IGSF9B: variants seen among roughly 807,000 people sequenced by gnomAD.
The protein encoded by IGSF9B is protein turtle homolog B.
Under a neutral mutation model 143.7 loss-of-function variants are expected in IGSF9B, and 48 were observed. The ratio of observed to expected loss-of-function variants is 0.33; its 90% CI spans 0.26 to 0.42. The LOEUF (loss-of-function observed/expected upper bound fraction) is 0.42. Ranked by LOEUF, IGSF9B falls within the 20% of genes least tolerant of loss-of-function variation. IGSF9B has a pLI of 1.00. For missense variants in IGSF9B, 1,706 were observed against 1,980.0 expected, an observed-to-expected ratio of 0.86 and a Z score of 2.63; for synonymous variants, 903 against 833.1, an observed-to-expected ratio of 1.08 and a Z score of -1.44.
rs779789771 is a variant in IGSF9B at position 133,928,047 on chromosome 11, G to A, written c.1632-956C>T. ...TCCCTGGCCCAGGCAACAAAGCAGC[G>A]AGGAGCCACGTGTGGAAAAGCAGTG... On this transcript the variant is annotated intron_variant, in intron 12 of 19. Transcript: ENST00000533871. This position sits in a 1 kb window ranked among gnomAD's most constrained non-coding sequence, Gnocchi z 4.7. Among the ~76,000 whole-genome samples the A allele has an allele frequency of 1.1e-4, 17 of 152,126 alleles. No homozygotes were observed. Among genetic ancestry groups the A allele is most frequent in the Admixed American group, 9.2e-4 (14 of 15,284 alleles).
In IGSF9B at chr11:133,909,330, G is replaced by A; in HGVS notation, c.4106-53C>T. ...AGAGAAGCAAGCGGATGAAAAGGAAGCACGCAGCCTGCTCACCTTTTCCAC... is the reference window on the plus strand; with the variant it reads ...AGAGAAGCAAGCGGATGAAAAGGAAACACGCAGCCTGCTCACCTTTTCCAC... On this transcript the variant is annotated intron_variant, in intron 19 of 19. Transcript: ENST00000533871. The surrounding 1 kb of genome is among the most constrained non-coding windows in gnomAD (Gnocchi z 4.2). The A allele has an allele frequency of 7.4e-7, 1 of 1,355,980 alleles. No individual in the cohort carries two copies. The highest frequency in any genetic ancestry group is 1.0e-6 in the Non-Finnish European group (1 of 983,820). The allele number at this position is 1,355,980 out of a possible 1,614,324, so 84.0% of individuals were successfully genotyped here. A position where few individuals can be genotyped will look rare whatever the true frequency, so the allele number is the denominator to read the frequency against.
chr11:133,936,007 G>A (rs759423261), intron 6 of IGSF9B, 46 bp downstream of exon 6: 2 of 1,602,592 alleles, frequency 1.2e-6, no homozygotes, highest in Admixed American at 1.7e-5. Context: ...CTGCCCGTGG[G>A]GGCTGGGGTG....
In IGSF9B at chr11:133,921,068, T is replaced by C; in HGVS notation, c.2657A>G (p.Tyr886Cys). Residue 886 changes from tyrosine to cysteine, a missense_variant, in exon 18 of 20, where the codon TAC becomes TGC. By Grantham distance (194) the Tyr-to-Cys change is radical. Transcript: ENST00000533871. ...GFPFAEETDM[Y>C]PEFRQSDEEN... ...CTCGTCCGACTGGCGGAACTCGGGG[T>C]ACATGTCCGTCTCCTCGGCGAAGGG... 1.2e-6 allele frequency: 2 copies of C among 1,613,834 alleles called. No individual in the cohort carries two copies. Among genetic ancestry groups the C allele is most frequent in the South Asian group, 2.2e-5 (2 of 91,088 alleles).
intron 3 of IGSF9B, among the ~76,000 whole-genome samples, chr11:133,942,860 C>G (rs1467882382): frequency 2.0e-5 from 3 of 152,222 alleles, no homozygotes; most frequent in Non-Finnish European, 4.4e-5. Flanking sequence ...GACTGATTGA[C>G]AGGAGCCAGC....
chr11:133,933,749 C>T (rs547854090), intron 7 of IGSF9B, among the ~76,000 whole-genome samples: 100 of 152,136 alleles, frequency 6.6e-4, no homozygotes, highest in Middle Eastern at 3.4e-3. Context: ...CCCTGGCTCT[C>T]GGAGGAGCAA....
chr11:133,951,926 G>C (rs534911291), intron 1 of IGSF9B: 5 of 327,772 alleles, frequency 1.5e-5, no homozygotes, highest in South Asian at 1.2e-4. Context: ...TGAAGACAGT[G>C]ACTCACCTCG....
chr11:133,950,866 G>GCCTCCT (rs35266790), intron 1 of IGSF9B, among the ~76,000 whole-genome samples: 18 of 150,688 alleles, frequency 1.2e-4, no homozygotes, highest in African/African-American at 3.6e-4. Context: ...CCTTATTGCA[G>GCCTCCT]CCTCCTCCTC....
chr11:133,931,087 G>A lies in IGSF9B; in HGVS notation c.1416C>T (p.Ser472=), dbSNP rs898407299. 8 of 1,613,644 alleles carry A rather than the reference G, an allele frequency of 5.0e-6. No homozygotes were observed. In the African/African-American group the frequency reaches 1.1e-4, roughly 22 times the overall value. The stretch of plus-strand genomic sequence containing the variant: ...CCTTACTCAGGGCACGGAACTGCAG[G>A]CTCCCACTGGGCAGGGCACTGTGCT... ...RSKHSALPSG[S]LQFRALSKED... is the part of the protein sequence containing the mutation. The change falls in exon 11 of 20, where the codon AGC becomes AGT. Residue 472 remains serine, a synonymous_variant. Coordinates refer to ENST00000533871, the MANE Select transcript of IGSF9B (RefSeq NM_001277285.4). This position sits in a 1 kb window ranked among gnomAD's most constrained non-coding sequence, Gnocchi z 7.7.
In IGSF9B at chr11:133,907,532, G is replaced by A. The variant is rs1013948963; in HGVS notation, c.*1537C>T. On this transcript the variant is annotated 3_prime_UTR_variant, in exon 20 of 20. Coordinates refer to ENST00000533871, the MANE Select transcript of IGSF9B (RefSeq NM_001277285.4). The stretch of plus-strand genomic sequence containing the variant: ...AGAAGGGGGGCTCCTACACAAGAGT[G>A]GGGGAGGGGCAGATCTCCCCTCCAC... Among the ~76,000 whole-genome samples, 4 of 152,192 alleles carry A rather than the reference G, an allele frequency of 2.6e-5. No homozygotes were observed. Among genetic ancestry groups the A allele is most frequent in the Admixed American group, 6.5e-5 (1 of 15,280 alleles).
chr11:133,919,610 C>T (rs1939469352), intron 18 of IGSF9B, 132 bp downstream of exon 18: 5 of 624,080 alleles, frequency 8.0e-6, no homozygotes, highest in African/African-American at 1.9e-5. Context: ...GAACTCCTCT[C>T]CGAGGGACGC....
intron 12 of IGSF9B, among the ~76,000 whole-genome samples, chr11:133,929,180 G>C (rs1193734788): frequency 6.6e-6 from 1 of 152,130 alleles, no homozygotes; most frequent in Non-Finnish European, 1.5e-5. Context: ...ACCCTGATGC[G>C]ATTATTACAC....
chr11:133,946,564 C>A (rs1389545079), intron 1 of IGSF9B, among the ~76,000 whole-genome samples: 1 of 152,294 alleles, frequency 6.6e-6, no homozygotes, highest in Admixed American at 6.5e-5. Context: ...CAAAGAGCCG[C>A]AGGCGTCATC....
chr11:133,938,631 C>T (rs1287931649), intron 3 of IGSF9B, among the ~76,000 whole-genome samples: 1 of 152,164 alleles, frequency 6.6e-6, no homozygotes, highest in African/African-American at 2.4e-5. Context: ...GTCCCATTTG[C>T]CTGAGCTGCT....
rs780795090 is a variant in IGSF9B at position 133,924,917 on chromosome 11, G to C, written c.2035-13C>G. On this transcript the variant is annotated splice_polypyrimidine_tract_variant and intron_variant, in intron 14 of 19. Transcript: ENST00000533871. ...CATACCACGTGTCCTGCAGCCCCAG[G>C]GACAATACCCAGTCAGCCGAGGGAC... 26 of 1,611,584 alleles carry C rather than the reference G, an allele frequency of 1.6e-5. No individual in the cohort carries two copies. Among genetic ancestry groups the C allele is most frequent in the Non-Finnish European group, 2.2e-5 (26 of 1,178,626 alleles).
At position 133,902,328 on chromosome 11, in the gene IGSF9B, A is replaced by G. The variant is rs1343057503; in HGVS notation, c.*6741T>C. Among the ~76,000 whole-genome samples the G allele has an allele frequency of 6.8e-6, 1 of 146,756 alleles. No homozygotes were observed. Among genetic ancestry groups the G allele is most frequent in the Non-Finnish European group, 1.5e-5 (1 of 66,574 alleles). On this transcript the variant is annotated 3_prime_UTR_variant, in exon 20 of 20. Transcript: ENST00000533871. Reference sequence around the variant, plus strand: ...CACACCACAGATACACACACACCATACCACACACACCCCACACACATACAC... The same window carrying G: ...CACACCACAGATACACACACACCATGCCACACACACCCCACACACATACAC...
intron 7 of IGSF9B, among the ~76,000 whole-genome samples, chr11:133,935,006 C>A (rs571300548): frequency 2.0e-5 from 3 of 152,216 alleles, no homozygotes; most frequent in Non-Finnish European, 4.4e-5. Context: ...AAGCAACTGG[C>A]GGCTCAGTAT....
Position 133,945,449 on chromosome 11 carries a change from C to T in IGSF9B, c.262+612G>A, listed in dbSNP as rs960936549. Among the ~76,000 whole-genome samples the T allele has an allele frequency of 3.9e-5, 6 of 152,204 alleles. No individual in the cohort carries two copies. Among genetic ancestry groups the T allele is most frequent in the East Asian group, 1.9e-4 (1 of 5,176 alleles). ...CCTTCCTTTCAACCCCAACAACGCT[C>T]GCTCAATGACACGCACACGCACGCA... On this transcript the variant is annotated intron_variant, in intron 2 of 19. Transcript: ENST00000533871. This position sits in a 1 kb window ranked among gnomAD's most constrained non-coding sequence, Gnocchi z 4.6.
intron 1 of IGSF9B, among the ~76,000 whole-genome samples, chr11:133,950,846 T>G (rs957885014): frequency 6.7e-6 from 1 of 150,220 alleles, no homozygotes; most frequent in African/African-American, 2.4e-5. Context: ...CGTTGCTCAT[T>G]AGTACAAGTC....
At chr11:133,943,618 G>A (rs947925959) in intron 3 of IGSF9B, among the ~76,000 whole-genome samples, 1 of 152,126 alleles carries the variant, frequency 6.6e-6, no homozygotes, top group East Asian at 1.9e-4. Context: ...AATAACTGAC[G>A]CCCATTAAAA....
Sources: gnomAD v4.1 joint callset for allele counts (sites outside exome capture counted in the v4.1 genomes callset) on GRCh38, gnomAD v4.1.1 for gene constraint, Gnocchi (gnomAD v3.1) non-coding constraint, MANE v1.5 for transcripts, NCBI Gene and HGNC (gene_info 2026-07-23, HGNC 2026-07-21) for gene names.